MGST2: variants seen among roughly 807,000 people sequenced by gnomAD.
MGST2 encodes the protein glutathione peroxidase MGST2.
A neutral mutation model predicts 16.6 loss-of-function variants in MGST2; 9 were observed. That is an observed-to-expected ratio of 0.54 (90% CI 0.33 to 0.95). The LOEUF (loss-of-function observed/expected upper bound fraction) is 0.95. MGST2 is among the 40% of genes least tolerant of loss of function. MGST2 has a pLI of 0.03. For synonymous variants in MGST2, 79 were observed against 68.0 expected, an observed-to-expected ratio of 1.16 and a Z score of -0.79; for missense variants, 159 against 175.1, an observed-to-expected ratio of 0.91 and a Z score of 0.52.
At chr4:139,702,867 T>TTTTTTTTTTTTTTTTTTTTTC (rs767366469) in intron 3 of MGST2, among the ~76,000 whole-genome samples, 10 of 132,452 alleles carry the variant, frequency 7.5e-5, no homozygotes, top group Non-Finnish European at 1.2e-4. Context: ...TTTTTTTTTT[T>TTTTTTTTTTTTTTTTTTTTTC]TTTACAATTT....
At chr4:139,677,272 A>G (rs1731010908) in intron 1 of MGST2, among the ~76,000 whole-genome samples, 1 of 152,212 alleles carries the variant, frequency 6.6e-6, no homozygotes, top group Non-Finnish European at 1.5e-5. Flanking sequence ...GGAGGTCCTG[A>G]TGACATGTGC....
At chr4:139,721,051 G>A (rs1728212274) in intron 5 of MGST2, among the ~76,000 whole-genome samples, 1 of 152,204 alleles carries the variant, frequency 6.6e-6, no homozygotes, top group Non-Finnish European at 1.5e-5. Flanking sequence ...CCAGCTTCCT[G>A]AGCTAGAAAA....
At chr4:139,750,283 C>G in the MGST2 span, among the ~76,000 whole-genome samples, 12 of 152,196 alleles carry the variant, frequency 7.9e-5, no homozygotes, top group African/African-American at 2.7e-4. Flanking sequence ...GCATTAGAAA[C>G]TTTAGAAGCA....
intron 5 of MGST2, chr4:139,730,620 G>A (rs372122289): frequency 2.0e-4 from 327 of 1,613,018 alleles, no homozygotes; most frequent in Non-Finnish European, 2.7e-4. Context: ...GGGGCACGGA[G>A]GACTGCATGG....
At chr4:139,702,222 A>C (rs979445157) in intron 3 of MGST2, among the ~76,000 whole-genome samples, 3 of 152,184 alleles carry the variant, frequency 2.0e-5, no homozygotes, top group Admixed American at 6.5e-5. Flanking sequence ...GTATGTAATA[A>C]AATGCATAAA....
At chr4:139,754,079 G>T in the MGST2 span, among the ~76,000 whole-genome samples, 44 of 152,190 alleles carry the variant, frequency 2.9e-4, no homozygotes, top group Non-Finnish European at 2.4e-4. Flanking sequence ...GATAATTATA[G>T]ACTAAAATAT....
At chr4:139,747,522 C>T in the MGST2 span, among the ~76,000 whole-genome samples, 6 of 151,814 alleles carry the variant, frequency 4.0e-5, no homozygotes, top group Non-Finnish European at 7.4e-5. Flanking sequence ...GGTGAAACCC[C>T]GTCTCTACTA....
chr4:139,748,214 C>A, the MGST2 span, among the ~76,000 whole-genome samples: 1 of 152,192 alleles, frequency 6.6e-6, no homozygotes, highest in African/African-American at 2.4e-5. Flanking sequence ...TTGTCCAGGG[C>A]CTAAACAGGA....
At chr4:139,666,663 A>AT (rs1197233056) in intron 1 of MGST2, among the ~76,000 whole-genome samples, 1 of 152,232 alleles carries the variant, frequency 6.6e-6, no homozygotes, top group Admixed American at 6.5e-5. Flanking sequence ...GCCTGGTTAA[A>AT]TAGAGGGCTT....
At chr4:139,684,567 G>T (rs1490126191) in intron 2 of MGST2, among the ~76,000 whole-genome samples, 2 of 152,204 alleles carry the variant, frequency 1.3e-5, no homozygotes, top group Non-Finnish European at 2.9e-5. Context: ...CCATGTGCAT[G>T]GCTGGGGCTT....
At chr4:139,750,686 C>T in the MGST2 span, among the ~76,000 whole-genome samples, 2 of 152,182 alleles carry the variant, frequency 1.3e-5, no homozygotes, top group African/African-American at 4.8e-5. Flanking sequence ...GTAGTTAGGT[C>T]CTCTTTAGGC....
chr4:139,724,427 T>C (rs1231821746), intron 5 of MGST2, among the ~76,000 whole-genome samples: 1 of 152,218 alleles, frequency 6.6e-6, no homozygotes, highest in Admixed American at 6.5e-5. Context: ...CCAATAACCT[T>C]GTGTGTTGCA....
chr4:139,747,314 C>G, the MGST2 span, among the ~76,000 whole-genome samples: 1 of 152,180 alleles, frequency 6.6e-6, no homozygotes. Context: ...CTTTCCCCCA[C>G]CTTTTAGACA....
chr4:139,716,071 G>A (rs1358579226), intron 5 of MGST2, among the ~76,000 whole-genome samples: 1 of 152,160 alleles, frequency 6.6e-6, no homozygotes, highest in Non-Finnish European at 1.5e-5. Context: ...GGTCTGGGGG[G>A]CACCTTTAAA....
At chr4:139,666,776 A>G (rs1730378208) in intron 1 of MGST2, among the ~76,000 whole-genome samples, 1 of 152,212 alleles carries the variant, frequency 6.6e-6, no homozygotes, top group African/African-American at 2.4e-5. Flanking sequence ...CTTACCAAGC[A>G]TGCATATTTC....
intron 1 of MGST2, 132 bp downstream of exon 1, chr4:139,666,209 GC>G (rs1730342340): frequency 2.1e-6 from 2 of 934,182 alleles, no homozygotes; most frequent in African/African-American, 3.2e-5. Flanking sequence ...CTTGCAGGTA[GC>G]TCTGGGTCCT....
intron 2 of MGST2, among the ~76,000 whole-genome samples, chr4:139,690,037 G>A (rs556359421): frequency 6.6e-6 from 1 of 152,260 alleles, no homozygotes; most frequent in African/African-American, 2.4e-5. Flanking sequence ...TGTTGCCCAG[G>A]CTGGAGTGCA....
chr4:139,671,046 G>T (rs1479544228), intron 1 of MGST2, among the ~76,000 whole-genome samples: 1 of 152,138 alleles, frequency 6.6e-6, no homozygotes, highest in Non-Finnish European at 1.5e-5. Flanking sequence ...CCCTTGCCTT[G>T]TAAGGCCTTA....
intron 2 of MGST2, among the ~76,000 whole-genome samples, chr4:139,684,099 T>C (rs917230174): frequency 9.2e-5 from 14 of 152,036 alleles, no homozygotes; most frequent in African/African-American, 3.4e-4. Flanking sequence ...TAATTTTTTG[T>C]ATTTTTAATG....
Sources: allele counts gnomAD v4.1 joint callset (sites outside exome capture counted in the v4.1 genomes callset), GRCh38; gene constraint gnomAD v4.1.1; transcripts MANE v1.5; gene names NCBI Gene and HGNC (gene_info 2026-07-23, HGNC 2026-07-21).